The following PDGFB variants were observed in gnomAD, a reference collection of about 807,000 sequenced individuals.
PDGFB encodes the protein platelet-derived growth factor subunit B.
Under a neutral mutation model 29.0 loss-of-function variants are expected in PDGFB, and 6 were observed. That is an observed-to-expected ratio of 0.21 (90% CI 0.11 to 0.41). The LOEUF is 0.41. Ranked by LOEUF, PDGFB falls within the 10% of genes least tolerant of loss-of-function variation. PDGFB has a pLI of 1.00. For synonymous variants in PDGFB, 144 were observed against 140.8 expected, an observed-to-expected ratio of 1.02 and a Z score of -0.16; for missense variants, 299 against 341.8, an observed-to-expected ratio of 0.87 and a Z score of 0.99.
At chr22:39,240,755 A>G in intron 1 of PDGFB, 1 of 1,365,958 alleles carries the variant, frequency 7.3e-7, no homozygotes, top group Non-Finnish European at 1.0e-6. Flanking sequence ...TAGAGAAAGC[A>G]GGTAATAAAC....
rs1932600418 is a variant in PDGFB at position 39,242,835 on chromosome 22, G to A, written c.63+1066C>T. 5 of 231,930 alleles carry A rather than the reference G, an allele frequency of 2.2e-5. No homozygotes were observed. Among genetic ancestry groups the A allele is most frequent in the Non-Finnish European group, 2.6e-5 (3 of 117,206 alleles). The allele number at this position is 231,930 out of a possible 1,614,324, so 14.4% of individuals were successfully genotyped here. ...GCGGACTCCCGGCCGCAGCCGGGCG[G>A]AGGTGGGACGGTACCCAGTCACGCC... On this transcript the variant is annotated intron_variant, in intron 1 of 6. Coordinates refer to ENST00000331163, the MANE Select transcript of PDGFB (RefSeq NM_002608.4). The surrounding 1 kb of genome is among the most constrained non-coding windows in gnomAD (Gnocchi z 5.7).
chr22:39,235,653 T>C, intron 2 of PDGFB, 125 bp downstream of exon 2: 1 of 699,352 alleles, frequency 1.4e-6, no homozygotes, highest in South Asian at 1.8e-5. Context: ...CCACGCTCTC[T>C]CTGGGCTGCC....
At chr22:39,238,312 C>A (rs557833946) in intron 1 of PDGFB, among the ~76,000 whole-genome samples, 5 of 152,138 alleles carry the variant, frequency 3.3e-5, no homozygotes, top group Non-Finnish European at 7.3e-5. Context: ...AGGAGGGCCA[C>A]CTGGGATATT....
chr22:39,232,697 T>C (rs1932339498), intron 3 of PDGFB, among the ~76,000 whole-genome samples: 1 of 152,000 alleles, frequency 6.6e-6, no homozygotes, highest in Admixed American at 6.6e-5. Flanking sequence ...ACCATGTCGG[T>C]CAGGATGATC....
Position 39,244,192 on chromosome 22 carries a change from G to A in PDGFB, c.-229C>T, listed in dbSNP as rs944448905. 10 of 274,512 alleles carry A rather than the reference G, an allele frequency of 3.6e-5. No individual in the cohort carries two copies. The highest frequency in any genetic ancestry group is 5.5e-5 in the Non-Finnish European group (8 of 146,470). 17.0% of individuals were successfully genotyped at this position (274,512 alleles called of 1,614,324 possible). On this transcript the variant is annotated 5_prime_UTR_variant, in exon 1 of 7. Transcript: ENST00000331163. This position sits in a 1 kb window ranked among gnomAD's most constrained non-coding sequence, Gnocchi z 4.5. Reference sequence around the variant, plus strand: ...GGGAGGACCTGGGCGCAGGACCTGGGTCCGAGGCCGCTACCTGGGCGGATC... The same window carrying A: ...GGGAGGACCTGGGCGCAGGACCTGGATCCGAGGCCGCTACCTGGGCGGATC...
rs573754683 is a variant in PDGFB at position 39,243,845 on chromosome 22, AG to A, written c.63+55del. ...GCAGGGAGAGGAGGGGGCGGTCAGA[AG>A]GGGGGGGCGAAGGTAATGAATGAAG... On this transcript the variant is annotated intron_variant, in intron 1 of 6. Coordinates refer to ENST00000331163, the MANE Select transcript of PDGFB (RefSeq NM_002608.4). This position sits in a 1 kb window ranked among gnomAD's most constrained non-coding sequence, Gnocchi z 6.4. The A allele has an allele frequency of 7.0e-5, 99 of 1,419,138 alleles. No homozygotes were observed. The African/African-American group carries it at 8.4e-4, about 12-fold the overall frequency. The allele number at this position is 1,419,138 out of a possible 1,614,324, so 87.9% of individuals were successfully genotyped here. A position where few individuals can be genotyped will look rare whatever the true frequency, so the allele number is the denominator to read the frequency against.
At chr22:39,239,770 G>A (rs1410621984) in intron 1 of PDGFB, among the ~76,000 whole-genome samples, 1 of 152,200 alleles carries the variant, frequency 6.6e-6, no homozygotes, top group Non-Finnish European at 1.5e-5. Context: ...GGGCACGAGC[G>A]AGCGTGAGGC....
At chr22:39,228,893 A>AAAAAAAAAATATATATATATATAT (rs1184799325) in intron 5 of PDGFB, among the ~76,000 whole-genome samples, 6 of 132,622 alleles carry the variant, frequency 4.5e-5, no homozygotes, top group Non-Finnish European at 6.7e-5. Context: ...CCTCAAAAAA[A>AAAAAAAAAATATATATATATATAT]ATATATATAT....
intron 1 of PDGFB, among the ~76,000 whole-genome samples, chr22:39,240,253 C>T (rs1352728564): frequency 6.6e-6 from 1 of 152,122 alleles, no homozygotes; most frequent in Non-Finnish European, 1.5e-5. Flanking sequence ...CTGGCAACCA[C>T]GGCAATCACT....
Position 39,231,514 on chromosome 22 carries a change from G to C in PDGFB, c.456+108C>G. 1 of 824,458 alleles carries C rather than the reference G, an allele frequency of 1.2e-6. No individual in the cohort carries two copies. Among genetic ancestry groups the C allele is most frequent in the South Asian group, 1.8e-5 (1 of 56,088 alleles). 51.1% of individuals were successfully genotyped at this position (824,458 alleles called of 1,614,324 possible). A position where few individuals can be genotyped will look rare whatever the true frequency, so the allele number is the denominator to read the frequency against. Reference sequence around the variant, plus strand: ...CAGGAACAAATCAGGAATGTCCTTCGACACACCACTCTGCCCAGTCAAGGA... The same window carrying C: ...CAGGAACAAATCAGGAATGTCCTTCCACACACCACTCTGCCCAGTCAAGGA... On this transcript the variant is annotated intron_variant, in intron 4 of 6. Transcript: ENST00000331163. This position sits in a 1 kb window ranked among gnomAD's most constrained non-coding sequence, Gnocchi z 4.3.
rs1932616820 is a variant in PDGFB, at chr22:39,243,294, CT to C, written c.63+606del. Among the ~76,000 whole-genome samples the C allele has an allele frequency of 6.6e-6, 1 of 151,682 alleles. No individual in the cohort carries two copies. The highest frequency in any genetic ancestry group is 2.4e-5 in the African/African-American group (1 of 41,210). On this transcript the variant is annotated intron_variant, in intron 1 of 6. Coordinates refer to ENST00000331163, the MANE Select transcript of PDGFB (RefSeq NM_002608.4). This position sits in a 1 kb window ranked among gnomAD's most constrained non-coding sequence, Gnocchi z 6.4. ...TCTCTTTCTCTCTCTCTCTCTCTCT[CT>C]CCCTGTTACTCCCACCCCAAACCCC...
chr22:39,233,004 C>T (rs944810218), intron 3 of PDGFB, among the ~76,000 whole-genome samples: 1 of 152,136 alleles, frequency 6.6e-6, no homozygotes, highest in African/African-American at 2.4e-5. Flanking sequence ...AGGCCGCGGC[C>T]CTTTGCCACA....
Position 39,243,274 on chromosome 22 carries a change from T to TTCTC in PDGFB, c.63+623_63+626dup, listed in dbSNP as rs767228828. Among the ~76,000 whole-genome samples the TTCTC allele has an allele frequency of 2.1e-4, 13 of 60,806 alleles. No individual in the cohort carries two copies. The highest frequency in any genetic ancestry group is 4.8e-4 in the African/African-American group (12 of 24,794). 39.9% of individuals were successfully genotyped at this position (60,806 alleles called of 152,430 possible). On this transcript the variant is annotated intron_variant, in intron 1 of 6. Coordinates refer to ENST00000331163, the MANE Select transcript of PDGFB (RefSeq NM_002608.4). This position sits in a 1 kb window ranked among gnomAD's most constrained non-coding sequence, Gnocchi z 6.4. ...TCCGTCTCTCTCTCTCTCTCTCTCT[T>TTCTC]TCTCTCTCTCTCTCTCTCTCTCCCT...
Position 39,243,274 on chromosome 22 carries a change from TTCTCTCTCTC to T in PDGFB, c.63+617_63+626del, listed in dbSNP as rs767228828. Among the ~76,000 whole-genome samples, 20 of 60,806 alleles carry T rather than the reference TTCTCTCTCTC, an allele frequency of 3.3e-4. No homozygotes were observed. The highest frequency in any genetic ancestry group is 7.9e-4 in the South Asian group (1 of 1,258). 39.9% of individuals were successfully genotyped at this position (60,806 alleles called of 152,430 possible). On this transcript the variant is annotated intron_variant, in intron 1 of 6. Transcript: ENST00000331163. This position sits in a 1 kb window ranked among gnomAD's most constrained non-coding sequence, Gnocchi z 6.4. ...TCCGTCTCTCTCTCTCTCTCTCTCTTTCTCTCTCTCTCTCTCTCTCTCCCTGTTACTCCCA... is the reference window on the plus strand; with the variant it reads ...TCCGTCTCTCTCTCTCTCTCTCTCTTTCTCTCTCTCTCCCTGTTACTCCCA...
Position 39,243,981 on chromosome 22 carries a change from C to T in PDGFB, c.-18G>A. 6.3e-7 allele frequency: 1 copy of T among 1,576,012 alleles called. No individual in the cohort carries two copies. Among genetic ancestry groups the T allele is most frequent in the Non-Finnish European group, 8.6e-7 (1 of 1,161,514 alleles). ...CGATTCATGCCGACTCCGGGCCCGG[C>T]CCCGCGGGGCCCCGGACGCGTAGAT... On this transcript the variant is annotated 5_prime_UTR_variant, in exon 1 of 7. Transcript: ENST00000331163. The surrounding 1 kb of genome is among the most constrained non-coding windows in gnomAD (Gnocchi z 6.4).
Position 39,231,939 on chromosome 22 carries a change from C to G in PDGFB, c.251-112G>C, listed in dbSNP as rs1168490023. 1 of 869,572 alleles carries G rather than the reference C, an allele frequency of 1.1e-6. No individual in the cohort carries two copies. Among genetic ancestry groups the G allele is most frequent in the Non-Finnish European group, 1.8e-6 (1 of 570,170 alleles). The allele number at this position is 869,572 out of a possible 1,614,324, so 53.9% of individuals were successfully genotyped here. On this transcript the variant is annotated intron_variant, in intron 3 of 6. Coordinates refer to ENST00000331163, the MANE Select transcript of PDGFB (RefSeq NM_002608.4). The surrounding 1 kb of genome is among the most constrained non-coding windows in gnomAD (Gnocchi z 4.3). ...ACTGCTCTTTCTCACGCCCTTCAACCCCAGGGTTCAGGTTTCAAGTCCTGG... is the reference window on the plus strand; with the variant it reads ...ACTGCTCTTTCTCACGCCCTTCAACGCCAGGGTTCAGGTTTCAAGTCCTGG...
Position 39,231,943 on chromosome 22 carries a change from G to C in PDGFB, c.251-116C>G. ...CTCTTTCTCACGCCCTTCAACCCCA[G>C]GGTTCAGGTTTCAAGTCCTGGCTGT... On this transcript the variant is annotated intron_variant, in intron 3 of 6. Coordinates refer to ENST00000331163, the MANE Select transcript of PDGFB (RefSeq NM_002608.4). This position sits in a 1 kb window ranked among gnomAD's most constrained non-coding sequence, Gnocchi z 4.3. The C allele has an allele frequency of 1.2e-6, 1 of 837,738 alleles. No individual in the cohort carries two copies. 51.9% of individuals were successfully genotyped at this position (837,738 alleles called of 1,614,324 possible).
rs891199366 is a variant in PDGFB, at chr22:39,242,885, C to T, written c.63+1016G>A. 24 of 232,798 alleles carry T rather than the reference C, an allele frequency of 1.0e-4. No individual in the cohort carries two copies. Among genetic ancestry groups the T allele is most frequent in the Admixed American group, 3.4e-4 (6 of 17,782 alleles). The allele number at this position is 232,798 out of a possible 1,614,324, so 14.4% of individuals were successfully genotyped here. ...CGCGCTCCCGGCTGCCCTCTCCTCCCCTCCACCGCGCGCGTCGTCCTGCCC... is the reference window on the plus strand; with the variant it reads ...CGCGCTCCCGGCTGCCCTCTCCTCCTCTCCACCGCGCGCGTCGTCCTGCCC... On this transcript the variant is annotated intron_variant, in intron 1 of 6. Coordinates refer to ENST00000331163, the MANE Select transcript of PDGFB (RefSeq NM_002608.4). The surrounding 1 kb of genome is among the most constrained non-coding windows in gnomAD (Gnocchi z 5.7).
At position 39,244,090 on chromosome 22, in the gene PDGFB, G is replaced by A; in HGVS notation, c.-127C>T. The A allele has an allele frequency of 2.3e-6, 1 of 433,500 alleles. No homozygotes were observed. The highest frequency in any genetic ancestry group is 3.8e-6 in the Non-Finnish European group (1 of 265,166). 26.9% of individuals were successfully genotyped at this position (433,500 alleles called of 1,614,324 possible). A position where few individuals can be genotyped will look rare whatever the true frequency, so the allele number is the denominator to read the frequency against. ...GGGTCCGCGGCGATCAGGCGCTCAG[G>A]CCTCTGCAGCCGCGGCTCACCCGCA... On this transcript the variant is annotated 5_prime_UTR_variant, in exon 1 of 7. Transcript: ENST00000331163. The surrounding 1 kb of genome is among the most constrained non-coding windows in gnomAD (Gnocchi z 4.5).
Sources: allele counts gnomAD v4.1 joint callset (sites outside exome capture counted in the v4.1 genomes callset), GRCh38; gene constraint gnomAD v4.1.1; non-coding constraint Gnocchi (gnomAD v3.1); transcripts MANE v1.5; gene names NCBI Gene and HGNC (gene_info 2026-07-23, HGNC 2026-07-21).